The following RYR2 variants were observed in gnomAD, a reference collection of about 807,000 sequenced individuals.
RYR2 encodes the protein ryanodine receptor 2, also known as cardiac muscle ryanodine receptor-calcium release channel.
A neutral mutation model predicts 601.1 loss-of-function variants in RYR2; 227 were observed. That is an observed-to-expected ratio of 0.38 (90% CI 0.34 to 0.42). RYR2 has a LOEUF of 0.42. RYR2 is among the 10% of genes least tolerant of loss of function. The pLI, the probability that RYR2 is intolerant of heterozygous loss-of-function variation, is 1.00. For missense variants in RYR2, 4,646 were observed against 6,156.5 expected (o/e 0.75, Z 8.21); for synonymous variants, 2,223 against 2,175.1 (o/e 1.02, Z -0.61).
At chr1:237,123,650 A>AC (rs1228380756) in intron 1 of RYR2, among the ~76,000 whole-genome samples, 11 of 78,928 alleles carry the variant, frequency 1.4e-4, no homozygotes, top group African/African-American at 5.1e-4. Flanking sequence ...ATCAGTCACT[A>AC]TTTTTTTTTT....
chr1:237,365,708 A>G (rs558585415), intron 5 of RYR2, among the ~76,000 whole-genome samples: 1 of 152,338 alleles, frequency 6.6e-6, no homozygotes, highest in East Asian at 1.9e-4. Context: ...CTAAATCTGC[A>G]TTTGCTGTAT....
intron 1 of RYR2, among the ~76,000 whole-genome samples, chr1:237,232,694 G>A (rs1685126182): frequency 6.6e-6 from 1 of 152,106 alleles, no homozygotes; most frequent in South Asian, 2.1e-4. Flanking sequence ...TGAGAAGTAG[G>A]GGGCAGTCTT....
At chr1:237,050,104 C>T (rs1188180609) in intron 1 of RYR2, among the ~76,000 whole-genome samples, 1 of 152,174 alleles carries the variant, frequency 6.6e-6, no homozygotes, top group South Asian at 2.1e-4. Context: ...CACGTAATTG[C>T]TTTCATGTTC....
At chr1:237,788,954 TTCC>T (rs1272968491) in intron 92 of RYR2, among the ~76,000 whole-genome samples, 22 of 151,878 alleles carry the variant, frequency 1.4e-4, no homozygotes, top group South Asian at 8.3e-4. Flanking sequence ...TCCTATCCTT[TTCC>T]TCCTTTATAA....
intron 1 of RYR2, among the ~76,000 whole-genome samples, chr1:237,214,475 G>A (rs1682947875): frequency 6.6e-6 from 1 of 152,122 alleles, no homozygotes; most frequent in Non-Finnish European, 1.5e-5. Context: ...AGAGAGGAAG[G>A]AAATGAGGAG....
At position 237,150,984 on chromosome 1, in the gene RYR2, C is replaced by G. The variant is rs145218581; in HGVS notation, c.48+108415C>G. Among the ~76,000 whole-genome samples the G allele has an allele frequency of 2.8e-3, 423 of 152,024 alleles. 3 individuals are homozygous for G. Among genetic ancestry groups the G allele is most frequent in the African/African-American group, 9.8e-3 (405 of 41,478 alleles). On this transcript the variant is annotated intron_variant, in intron 1 of 104. Coordinates refer to ENST00000366574, the MANE Select transcript of RYR2 (RefSeq NM_001035.3). ...TTTCTTCTTTTAGATCTCAGGGTTT[C>G]GATTTTGAAAGTGAGTTTAAACAAA...
intron 17 of RYR2, among the ~76,000 whole-genome samples, chr1:237,471,438 T>C (rs1259799120): frequency 6.6e-6 from 1 of 152,206 alleles, no homozygotes; most frequent in Non-Finnish European, 1.5e-5. Context: ...GATGGTGGCA[T>C]AGATTACAAA....
At chr1:237,645,453 C>G (rs111461909) in intron 48 of RYR2, among the ~76,000 whole-genome samples, 12 of 152,120 alleles carry the variant, frequency 7.9e-5, no homozygotes, top group Admixed American at 2.0e-4. Flanking sequence ...TTTCTTTACT[C>G]TATACTTTGA....
At chr1:237,591,391 T>C (rs1160030491) in intron 31 of RYR2, among the ~76,000 whole-genome samples, 1 of 152,130 alleles carries the variant, frequency 6.6e-6, no homozygotes, top group East Asian at 1.9e-4. Flanking sequence ...CCAAATAGTA[T>C]TTTTTATGAT....
At chr1:237,515,840 C>CTT (rs1666445868) in intron 24 of RYR2, among the ~76,000 whole-genome samples, 1 of 135,074 alleles carries the variant, frequency 7.4e-6, no homozygotes, top group Non-Finnish European at 1.6e-5. Flanking sequence ...TCCCTCTTCT[C>CTT]CTCCTCCCTC....
chr1:237,320,441 T>G (rs1263078778), intron 2 of RYR2, among the ~76,000 whole-genome samples: 2 of 152,160 alleles, frequency 1.3e-5, no homozygotes, highest in Non-Finnish European at 2.9e-5. Context: ...AGATGGACTT[T>G]TTGGTTACTG....
intron 32 of RYR2, among the ~76,000 whole-genome samples, chr1:237,592,517 C>T (rs1449392368): frequency 6.6e-6 from 1 of 151,708 alleles, no homozygotes; most frequent in Non-Finnish European, 1.5e-5. Context: ...CCTGTAATCC[C>T]AGCTACTAGG....
intron 1 of RYR2, among the ~76,000 whole-genome samples, chr1:237,127,173 C>T (rs1482422953): frequency 1.3e-5 from 2 of 152,130 alleles, no homozygotes; most frequent in Non-Finnish European, 2.9e-5. Flanking sequence ...AAAAGTCTCC[C>T]ATGTCTACTT....
At chr1:237,322,498 A>G (rs1695715961) in intron 2 of RYR2, among the ~76,000 whole-genome samples, 1 of 152,194 alleles carries the variant, frequency 6.6e-6, no homozygotes, top group South Asian at 2.1e-4. Context: ...TGGTTACTGT[A>G]AAAGATATTT....
chr1:237,188,629 G>A (rs1446546357), intron 1 of RYR2, among the ~76,000 whole-genome samples: 5 of 151,938 alleles, frequency 3.3e-5, no homozygotes, highest in African/African-American at 1.2e-4. Context: ...GCAGTGGCAC[G>A]ATCTCGGCTC....
At chr1:237,484,593 CG>C (rs1424343939) in intron 17 of RYR2, among the ~76,000 whole-genome samples, 4 of 152,208 alleles carry the variant, frequency 2.6e-5, no homozygotes, top group African/African-American at 9.6e-5. Context: ...AGTCAGCCTA[CG>C]TAGAGCACTC....
In RYR2 at chr1:237,798,033, C is replaced by T. The variant is rs1659472477; in HGVS notation, c.13957-4C>T. 2 of 1,607,884 alleles carry T rather than the reference C, an allele frequency of 1.2e-6. No individual in the cohort carries two copies. Among genetic ancestry groups the T allele is most frequent in the Non-Finnish European group, 1.7e-6 (2 of 1,177,138 alleles). ...CAACAAAATGCTTTTTCTCATACCCCAAGGTTATGGATAAATATGGAGAGT... is the reference window on the plus strand; with the variant it reads ...CAACAAAATGCTTTTTCTCATACCCTAAGGTTATGGATAAATATGGAGAGT... On this transcript the variant is annotated splice_region_variant and splice_polypyrimidine_tract_variant and intron_variant, in intron 96 of 104. Transcript: ENST00000366574.
intron 33 of RYR2, among the ~76,000 whole-genome samples, chr1:237,594,886 G>GTT (rs776702428): frequency 1.7e-4 from 10 of 60,412 alleles, no homozygotes; most frequent in African/African-American, 6.7e-4. Flanking sequence ...ATATCACTGG[G>GTT]TTTTTTTTTT....
At chr1:237,227,062 C>A (rs894090569) in intron 1 of RYR2, among the ~76,000 whole-genome samples, 4 of 152,182 alleles carry the variant, frequency 2.6e-5, no homozygotes, top group Admixed American at 6.5e-5. Context: ...CGTTGAGCCC[C>A]TGTGCCCAGC....
Sources: gnomAD v4.1 joint callset for allele counts (sites outside exome capture counted in the v4.1 genomes callset) on GRCh38, gnomAD v4.1.1 for gene constraint, MANE v1.5 for transcripts, NCBI Gene and HGNC (gene_info 2026-07-23, HGNC 2026-07-21) for gene names.